Variants in DPF3 observed in about 807,000 individuals in gnomAD.
DPF3 encodes the protein zinc finger protein DPF3.
Under a neutral mutation model 56.8 loss-of-function variants are expected in DPF3, and 18 were observed. That is an observed-to-expected ratio of 0.32 (90% CI 0.22 to 0.47). The LOEUF is 0.47. DPF3 is among the 20% of genes least tolerant of loss of function. The probability of loss-of-function intolerance (pLI) is 1.00; values close to 1 mark genes in which losing one functional copy is unlikely to be tolerated. For synonymous variants in DPF3, 188 were observed against 180.2 expected (o/e 1.04, Z -0.35); for missense variants, 403 against 488.8 (o/e 0.82, Z 1.65).
intron 6 of DPF3, among the ~76,000 whole-genome samples, chr14:72,705,566 G>T (rs1048942465): frequency 5.3e-5 from 8 of 152,076 alleles, no homozygotes; most frequent in Non-Finnish European, 1.0e-4. Context: ...TGGGTACTGT[G>T]GCTCTAAGCA....
At position 72,611,373 on chromosome 14, in the gene DPF3, G is replaced by T. The variant is rs1270004890; in HGVS notation, c.*7924C>A. 6.6e-6 allele frequency among the ~76,000 whole-genome samples: 1 copy of T among 152,232 alleles called. No homozygotes were observed. The highest frequency in any genetic ancestry group is 1.5e-5 in the Non-Finnish European group (1 of 68,036). ...AGGATCTGACAAGCACCTGGCCAAA[G>T]GTGAGCATGGAAGGTTTGCTGAAAA... On this transcript the variant is annotated 3_prime_UTR_variant, in exon 11 of 11. Transcript: ENST00000556509.
intron 7 of DPF3, among the ~76,000 whole-genome samples, chr14:72,685,406 A>G (rs1887366500): frequency 6.6e-6 from 1 of 152,198 alleles, no homozygotes; most frequent in African/African-American, 2.4e-5. Context: ...ACATGTCCCT[A>G]ATGGACTTAT....
chr14:72,661,150 G>C (rs1380026890), intron 8 of DPF3: 22 of 985,452 alleles, frequency 2.2e-5, no homozygotes, highest in Non-Finnish European at 2.7e-5. Flanking sequence ...GTTGTCACTT[G>C]TGGGAGTTGG....
chr14:72,741,842 T>C (rs1890134601), intron 3 of DPF3, among the ~76,000 whole-genome samples: 1 of 151,876 alleles, frequency 6.6e-6, no homozygotes, highest in Non-Finnish European at 1.5e-5. Flanking sequence ...TCACAACTCA[T>C]GCTCTACACG....
chr14:72,653,025 C>T (rs1885962448), intron 8 of DPF3, among the ~76,000 whole-genome samples: 1 of 152,158 alleles, frequency 6.6e-6, no homozygotes, highest in East Asian at 1.9e-4. Flanking sequence ...CCTCTTTAGT[C>T]CAATGCTCTG....
chr14:72,638,990 G>A (rs1300592682), intron 8 of DPF3, among the ~76,000 whole-genome samples: 3 of 151,914 alleles, frequency 2.0e-5, no homozygotes, highest in Non-Finnish European at 2.9e-5. Context: ...CTAATTTTTT[G>A]TATTTTTTAG....
intron 7 of DPF3, among the ~76,000 whole-genome samples, chr14:72,679,044 G>A (rs1020411663): frequency 7.7e-4 from 117 of 152,196 alleles, no homozygotes; most frequent in Non-Finnish European, 1.5e-3. Context: ...AGGGAAGCGA[G>A]AGCAGGCATT....
At chr14:72,756,822 C>CAGAAAGAAAGAAAGAAAGAA (rs71109746) in intron 2 of DPF3, among the ~76,000 whole-genome samples, 4 of 70,062 alleles carry the variant, frequency 5.7e-5, no homozygotes, top group Non-Finnish European at 1.0e-4. Flanking sequence ...GAAAGAAAGA[C>CAGAAAGAAAGAAAGAAAGAA]AGAAAGAAAG....
chr14:72,748,988 C>G (rs1890441790), intron 3 of DPF3, among the ~76,000 whole-genome samples: 1 of 152,348 alleles, frequency 6.6e-6, no homozygotes, highest in East Asian at 1.9e-4. Context: ...AGCCCCCACA[C>G]AGAGTCCCAC....
chr14:72,739,311 G>A (rs987148993), intron 3 of DPF3, among the ~76,000 whole-genome samples: 1 of 151,934 alleles, frequency 6.6e-6, no homozygotes, highest in Non-Finnish European at 1.5e-5. Flanking sequence ...GCTCTGGGGT[G>A]AACTCTCAGC....
At chr14:72,712,900 T>C (rs1888716860) in intron 6 of DPF3, among the ~76,000 whole-genome samples, 1 of 152,176 alleles carries the variant, frequency 6.6e-6, no homozygotes, top group African/African-American at 2.4e-5. Flanking sequence ...TAAAAATGAA[T>C]AAACGAAGAA....
chr14:72,774,833 C>T (rs1388272546), intron 1 of DPF3, among the ~76,000 whole-genome samples: 1 of 152,128 alleles, frequency 6.6e-6, no homozygotes, highest in African/African-American at 2.4e-5. Flanking sequence ...CTGAATGGCA[C>T]ATAAGCTGAT....
chr14:72,772,013 A>ACCAAGGCAATGAGCACCAAGAG, intron 1 of DPF3, 120 bp from the exon 2 acceptor site: 1 of 1,149,552 alleles, frequency 8.7e-7, no homozygotes, highest in Admixed American at 3.8e-5. Context: ...AGTTATGAAG[A>ACCAAGGCAATGAGCACCAAGAG]CCAAGGCAAT....
intron 6 of DPF3, among the ~76,000 whole-genome samples, chr14:72,705,799 G>A (rs1888380397): frequency 6.6e-6 from 1 of 152,248 alleles, no homozygotes; most frequent in Non-Finnish European, 1.5e-5. Context: ...TCACAGTCCA[G>A]CCTGAGGGAG....
chr14:72,777,017 GT>G (rs1891770858), intron 1 of DPF3, among the ~76,000 whole-genome samples: 1 of 152,144 alleles, frequency 6.6e-6, no homozygotes, highest in Admixed American at 6.5e-5. Flanking sequence ...GTGGCCCCAA[GT>G]CCCCTTTGCT....
At chr14:72,821,230 GC>G (rs1883527099) in intron 1 of DPF3, among the ~76,000 whole-genome samples, 1 of 152,042 alleles carries the variant, frequency 6.6e-6, no homozygotes, top group Non-Finnish European at 1.5e-5. Context: ...TCTGCAGTGA[GC>G]TGAGGTCACA....
intron 8 of DPF3, among the ~76,000 whole-genome samples, chr14:72,655,321 G>T (rs893663366): frequency 6.6e-6 from 1 of 151,898 alleles, no homozygotes; most frequent in Non-Finnish European, 1.5e-5. Flanking sequence ...AATTAAATTC[G>T]TCTTCTAATA....
chr14:72,690,188 A>C (rs995336860), intron 7 of DPF3, among the ~76,000 whole-genome samples: 2 of 152,188 alleles, frequency 1.3e-5, no homozygotes, highest in African/African-American at 2.4e-5. Context: ...ATCTCCACGT[A>C]GGGCGAGGGG....
At chr14:72,847,479 C>T (rs908409761) in intron 1 of DPF3, among the ~76,000 whole-genome samples, 1 of 152,136 alleles carries the variant, frequency 6.6e-6, no homozygotes, top group Admixed American at 6.6e-5. Context: ...ATCTGCTAAC[C>T]GTGCCTCAGT....
Sources: allele counts gnomAD v4.1 joint callset (sites outside exome capture counted in the v4.1 genomes callset), GRCh38; gene constraint gnomAD v4.1.1; transcripts MANE v1.5; gene names NCBI Gene and HGNC (gene_info 2026-07-23, HGNC 2026-07-21).